The following OSBPL10 variants were observed in gnomAD, a reference collection of about 807,000 sequenced individuals.
OSBPL10 encodes oxysterol-binding protein-related protein 10.
OSBPL10 carries 49 observed loss-of-function variants against 81.7 expected under a neutral mutation model. That is an observed-to-expected ratio of 0.60 (90% CI 0.48 to 0.76). The LOEUF is 0.76. Among genes scored for constraint, OSBPL10 ranks in the 30% least tolerant of loss-of-function variants. The pLI, the probability that OSBPL10 is intolerant of heterozygous loss-of-function variation, is 0.00. For synonymous variants in OSBPL10, 419 were observed against 383.6 expected, an observed-to-expected ratio of 1.09 and a Z score of -1.08; for missense variants, 923 against 987.8, an observed-to-expected ratio of 0.93 and a Z score of 0.88.
At chr3:31,732,437 T>A (rs1418869917) in intron 6 of OSBPL10, 1 of 152,192 alleles carries the variant, frequency 6.6e-6, no homozygotes, top group Non-Finnish European at 1.5e-5. Flanking sequence ...TGTTCTACAA[T>A]TTTCAGGCTA....
Position 31,720,983 on chromosome 3 carries a change from G to A in OSBPL10, c.1095+12274C>T, listed in dbSNP as rs370168579. Among the ~76,000 whole-genome samples, 345 of 151,600 alleles carry A rather than the reference G, an allele frequency of 2.3e-3. 1 individual carries two copies. The highest frequency in any genetic ancestry group is 8.0e-3 in the African/African-American group (331 of 41,232). ...TAAGGTTGCAAATGGAATTGAGTTT[G>A]CTAATCAGCTGATCTTAAAACAGGG... On this transcript the variant is annotated intron_variant, in intron 6 of 11. Coordinates refer to ENST00000396556, the MANE Select transcript of OSBPL10 (RefSeq NM_017784.5).
At chr3:31,873,215 C>T (rs994193367) in intron 3 of OSBPL10, among the ~76,000 whole-genome samples, 2 of 151,874 alleles carry the variant, frequency 1.3e-5, no homozygotes, top group African/African-American at 4.8e-5. Flanking sequence ...CTCTAATAAA[C>T]CTCAATTTAA....
chr3:31,746,892 T>A (rs914297619), intron 5 of OSBPL10, among the ~76,000 whole-genome samples: 1 of 151,884 alleles, frequency 6.6e-6, no homozygotes, highest in Non-Finnish European at 1.5e-5. Context: ...AGTTCATGGG[T>A]GCAGCACACC....
chr3:32,066,161 A>AAAGGAAGAAAGGAAGG (rs1699778977), intron 1 of OSBPL10, among the ~76,000 whole-genome samples: 1 of 53,430 alleles, frequency 1.9e-5, no homozygotes, highest in African/African-American at 4.6e-5. Flanking sequence ...AGAAAGGAAG[A>AAAGGAAGAAAGGAAGG]AAGGAAGGAA....
chr3:31,845,421 G>A (rs1212143183), intron 3 of OSBPL10, among the ~76,000 whole-genome samples: 1 of 152,230 alleles, frequency 6.6e-6, no homozygotes, highest in Non-Finnish European at 1.5e-5. Flanking sequence ...TCCACCAACA[G>A]AAGAGATTCC....
intron 1 of OSBPL10, among the ~76,000 whole-genome samples, chr3:31,930,469 A>AC (rs1697209192): frequency 6.6e-6 from 1 of 152,156 alleles, no homozygotes. Context: ...CTCAACATTT[A>AC]CCCCACAGAA....
Position 31,830,025 on chromosome 3 carries a change from G to C in OSBPL10, c.729+15C>G, listed in dbSNP as rs774525594. The stretch of plus-strand genomic sequence containing the variant: ...TCCCCGGGGCTGCTTAACCTAGTAG[G>C]AGAGCAAAGCCTACCTCTCTGACTT... On this transcript the variant is annotated intron_variant, in intron 4 of 11. Coordinates refer to ENST00000396556, the MANE Select transcript of OSBPL10 (RefSeq NM_017784.5). 1 of 1,606,800 alleles carries C rather than the reference G, an allele frequency of 6.2e-7. No individual in the cohort carries two copies. The highest frequency in any genetic ancestry group is 1.1e-5 in the South Asian group (1 of 89,998).
chr3:31,895,130 C>A (rs1411022876), intron 1 of OSBPL10, among the ~76,000 whole-genome samples: 1 of 123,256 alleles, frequency 8.1e-6, no homozygotes, highest in Non-Finnish European at 1.6e-5. Flanking sequence ...GAATTCTCTG[C>A]GGCCTTTTTT....
In OSBPL10 at chr3:31,801,817, C is replaced by CT. The variant is rs1699387924; in HGVS notation, c.729+28222dup. The stretch of plus-strand genomic sequence containing the variant: ...ATAAGAACTAAGACCTGATTTCTTT[C>CT]TTTTTTTGTTGTTTTTTTTTTTAAG... On this transcript the variant is annotated intron_variant, in intron 4 of 11. Coordinates refer to ENST00000396556, the MANE Select transcript of OSBPL10 (RefSeq NM_017784.5). Among the ~76,000 whole-genome samples, 4 of 150,176 alleles carry CT rather than the reference C, an allele frequency of 2.7e-5. No individual in the cohort carries two copies. In the South Asian group the frequency reaches 6.3e-4, roughly 24 times the overall value.
At chr3:31,805,639 C>T (rs1342134548) in intron 4 of OSBPL10, among the ~76,000 whole-genome samples, 1 of 152,204 alleles carries the variant, frequency 6.6e-6, no homozygotes, top group Non-Finnish European at 1.5e-5. Flanking sequence ...ACACAAAATA[C>T]AAAGCACCTT....
intron 3 of OSBPL10, among the ~76,000 whole-genome samples, chr3:31,842,095 G>A (rs750547003): frequency 2.6e-5 from 4 of 152,152 alleles, no homozygotes; most frequent in South Asian, 2.1e-4. Flanking sequence ...GCAGAAACTC[G>A]AGCAGCAAGC....
chr3:31,861,971 A>G (rs1356154213), intron 3 of OSBPL10, among the ~76,000 whole-genome samples: 1 of 152,082 alleles, frequency 6.6e-6, no homozygotes, highest in African/African-American at 2.4e-5. Context: ...TAGGGTAGTA[A>G]ATATTTACAG....
At chr3:31,784,111 G>A (rs1698796282) in intron 4 of OSBPL10, among the ~76,000 whole-genome samples, 1 of 151,530 alleles carries the variant, frequency 6.6e-6, no homozygotes, top group Non-Finnish European at 1.5e-5. Flanking sequence ...GGCAGAGACA[G>A]GCAGATCACT....
intron 4 of OSBPL10, among the ~76,000 whole-genome samples, chr3:31,756,863 G>C (rs961225133): frequency 6.6e-6 from 1 of 152,172 alleles, no homozygotes; most frequent in Non-Finnish European, 1.5e-5. Context: ...TACTATTGCA[G>C]GCCGCAGGCA....
chr3:31,748,417 T>C (rs1578927), intron 4 of OSBPL10, among the ~76,000 whole-genome samples: 73,771 of 151,406 alleles, frequency 0.49, 18,876 homozygotes, highest in East Asian at 0.78. Context: ...AATAAATACA[T>C]TGAAAGCAGT....
upstream of OSBPL10, among the ~76,000 whole-genome samples, chr3:31,982,394 G>T (rs539001357): frequency 3.9e-5 from 6 of 152,118 alleles, no homozygotes; most frequent in African/African-American, 1.4e-4. Context: ...GGTGATAGAT[G>T]ATAGGTGATC....
chr3:31,702,254 C>T, intron 7 of OSBPL10, 105 bp downstream of exon 7: 2 of 1,365,052 alleles, frequency 1.5e-6, no homozygotes, highest in Non-Finnish European at 2.0e-6. Flanking sequence ...CCCCACTCTT[C>T]TTCTCCAATC....
chr3:31,814,725 G>A (rs1699791072), intron 4 of OSBPL10, among the ~76,000 whole-genome samples: 1 of 152,182 alleles, frequency 6.6e-6, no homozygotes, highest in Non-Finnish European at 1.5e-5. Flanking sequence ...ATACATTTCT[G>A]TGGTTTAAGC....
At chr3:31,961,759 C>G (rs1264025193) in intron 1 of OSBPL10, among the ~76,000 whole-genome samples, 1 of 152,068 alleles carries the variant, frequency 6.6e-6, no homozygotes, top group East Asian at 1.9e-4. Context: ...GGCATATATT[C>G]TAGTGTATAA....
Sources: gnomAD v4.1 joint callset for allele counts (sites outside exome capture counted in the v4.1 genomes callset) on GRCh38, gnomAD v4.1.1 for gene constraint, MANE v1.5 for transcripts, NCBI Gene and HGNC (gene_info 2026-07-23, HGNC 2026-07-21) for gene names.